SYCE3: variants seen among roughly 807,000 people sequenced by gnomAD.
SYCE3 encodes synaptonemal complex central element protein 3.
Under a neutral mutation model 8.1 loss-of-function variants are expected in SYCE3, and 3 were observed. That is an observed-to-expected ratio of 0.37 (90% CI 0.17 to 0.96). The LOEUF is 0.96. Ranked by LOEUF, SYCE3 falls within the 40% of genes least tolerant of loss-of-function variation. SYCE3 has a pLI of 0.41. For missense variants in SYCE3, 83 were observed against 110.0 expected (o/e 0.75, Z 1.10); for synonymous variants, 36 against 38.7 (o/e 0.93, Z 0.26).
intron 1 of SYCE3, 71 bp from the exon 2 acceptor site, chr22:50,556,476 C>A (rs2069861245): frequency 9.4e-7 from 1 of 1,066,468 alleles, no homozygotes. Flanking sequence ...CTGGTTATAA[C>A]TCAGTGATTT....
intron 1 of SYCE3, among the ~76,000 whole-genome samples, chr22:50,560,671 T>C (rs1446392544): frequency 5.9e-5 from 9 of 151,988 alleles, no homozygotes; most frequent in African/African-American, 2.2e-4. Context: ...AGTCAAGGTT[T>C]TTTGTTTTTT....
chr22:50,555,816 C>T (rs2069854789), intron 2 of SYCE3, among the ~76,000 whole-genome samples: 2 of 133,258 alleles, frequency 1.5e-5, no homozygotes, highest in African/African-American at 5.7e-5. Context: ...TTTTTTGAGA[C>T]AGAGTCTCAC....
At position 50,556,342 on chromosome 22, in the gene SYCE3, T is replaced by G; in HGVS notation, c.64A>C (p.Asn22His). The change falls in exon 2 of 3, where the codon AAT (asparagine) becomes CAT (histidine). Residue 22 changes from asparagine to histidine, a missense_variant. Asn to His is a moderately conservative substitution (Grantham distance 68, BLOSUM62 1). Coordinates refer to ENST00000406915, the MANE Select transcript of SYCE3 (RefSeq NM_001123225.3). Reference protein sequence around the residue: ...DNMLKMLSDLNKDLEKLLEEM... With the variant: ...DNMLKMLSDLHKDLEKLLEEM... ...TCTAATAGCTTTTCCAAGTCCTTATTCAGATCTGACAGCATTTTCAGCATG... is the reference window on the plus strand; with the variant it reads ...TCTAATAGCTTTTCCAAGTCCTTATGCAGATCTGACAGCATTTTCAGCATG... 6.4e-7 allele frequency: 1 copy of G among 1,552,140 alleles called. No homozygotes were observed. Among genetic ancestry groups the G allele is most frequent in the South Asian group, 1.2e-5 (1 of 84,060 alleles).
At chr22:50,555,880 A>T (rs1006122458) in intron 2 of SYCE3, among the ~76,000 whole-genome samples, 9 of 140,646 alleles carry the variant, frequency 6.4e-5, no homozygotes, top group African/African-American at 2.1e-4. Flanking sequence ...TGCAAGCTCC[A>T]CCTCCCGGGT....
intron 1 of SYCE3, among the ~76,000 whole-genome samples, chr22:50,559,727 A>G (rs990527376): frequency 1.3e-5 from 2 of 152,114 alleles, no homozygotes; most frequent in African/African-American, 2.4e-5. Context: ...CAGGAGTTCG[A>G]GACCCGCCTG....
intron 1 of SYCE3, among the ~76,000 whole-genome samples, chr22:50,559,876 C>T (rs563636035): frequency 7.8e-4 from 119 of 152,016 alleles, no homozygotes; most frequent in Non-Finnish European, 1.4e-3. Flanking sequence ...TGCAGTGAGC[C>T]GAGATCATGC....
chr22:50,555,607 A>T (rs1314589253), intron 2 of SYCE3, among the ~76,000 whole-genome samples: 1 of 152,168 alleles, frequency 6.6e-6, no homozygotes, highest in East Asian at 1.9e-4. Context: ...CTTCATCTGC[A>T]TGATAAAACT....
At chr22:50,554,124 G>T (rs2069835798) in intron 2 of SYCE3, among the ~76,000 whole-genome samples, 2 of 151,702 alleles carry the variant, frequency 1.3e-5, no homozygotes, top group African/African-American at 4.8e-5. Flanking sequence ...GAACCCGGGA[G>T]GCAGAGCTTG....
chr22:50,559,882 C>T (rs2069897538), intron 1 of SYCE3, among the ~76,000 whole-genome samples: 1 of 152,110 alleles, frequency 6.6e-6, no homozygotes, highest in Non-Finnish European at 1.5e-5. Flanking sequence ...GAGCCGAGAT[C>T]ATGCCACTGC....
intron 2 of SYCE3, among the ~76,000 whole-genome samples, chr22:50,554,275 G>A (rs1365025302): frequency 1.3e-5 from 2 of 151,728 alleles, no homozygotes; most frequent in South Asian, 2.1e-4. Flanking sequence ...AAAGGAATAC[G>A]GAGAAAAGTA....
intron 1 of SYCE3, among the ~76,000 whole-genome samples, chr22:50,557,562 G>A (rs28549096): frequency 0.084 from 12,805 of 152,110 alleles, 1,189 homozygotes; most frequent in African/African-American, 0.23. Context: ...AGTACCTACC[G>A]TAATGAGCAC....
chr22:50,553,577 C>T (rs574421869), intron 2 of SYCE3, among the ~76,000 whole-genome samples: 53 of 152,182 alleles, frequency 3.5e-4, no homozygotes, highest in African/African-American at 1.2e-3. Context: ...AACACCCTCC[C>T]TCTATGCCCA....
At position 50,551,332 on chromosome 22, in the gene SYCE3, A is replaced by T; in HGVS notation, c.180T>A (p.Arg60=). 6.4e-7 allele frequency: 1 copy of T among 1,551,278 alleles called. No homozygotes were observed. Reference sequence around the variant, plus strand: ...AGTTGACGAAGGCATCCTCCAGCCGACGCATGGACTCGGCCAGCGTAGGGT... The same window carrying T: ...AGTTGACGAAGGCATCCTCCAGCCGTCGCATGGACTCGGCCAGCGTAGGGT... The part of the protein sequence containing the change: ...RTNPTLAESM[R]RLEDAFVNCK... The change falls in exon 3 of 3, where the codon CGT becomes CGA. Residue 60 remains arginine (R), a synonymous_variant. Coordinates refer to ENST00000406915, the MANE Select transcript of SYCE3 (RefSeq NM_001123225.3).
At chr22:50,562,771 C>G (rs1305372778) in intron 1 of SYCE3, 87 bp downstream of exon 1, 1 of 151,912 alleles carries the variant, frequency 6.6e-6, no homozygotes, top group Non-Finnish European at 1.5e-5. Context: ...TTGGTGCCAC[C>G]GCGAACGCTA....
chr22:50,553,332 G>C (rs1603442721), intron 2 of SYCE3, among the ~76,000 whole-genome samples: 1 of 152,176 alleles, frequency 6.6e-6, no homozygotes, highest in Non-Finnish European at 1.5e-5. Context: ...GAGAGGACCA[G>C]ATTGTAACTT....
chr22:50,560,353 G>A (rs764134695), intron 1 of SYCE3, among the ~76,000 whole-genome samples: 1 of 152,066 alleles, frequency 6.6e-6, no homozygotes, highest in African/African-American at 2.4e-5. Context: ...TGGGTGTGGT[G>A]GTGCGCACCT....
chr22:50,558,152 G>A (rs1603442836), intron 1 of SYCE3, among the ~76,000 whole-genome samples: 1 of 152,202 alleles, frequency 6.6e-6, no homozygotes, highest in Non-Finnish European at 1.5e-5. Context: ...GGCCAAGCGC[G>A]GAGGCTCATG....
chr22:50,557,192 T>C (rs967005033), intron 1 of SYCE3, among the ~76,000 whole-genome samples: 1 of 151,846 alleles, frequency 6.6e-6, no homozygotes, highest in Non-Finnish European at 1.5e-5. Context: ...GTTTTGCTCT[T>C]GTTGCCCAGG....
intron 2 of SYCE3, among the ~76,000 whole-genome samples, chr22:50,556,084 C>T (rs527251492): frequency 6.6e-6 from 1 of 152,132 alleles, no homozygotes; most frequent in South Asian, 2.1e-4. Context: ...TGAGCCACCG[C>T]GCCCGGCCGA....
Sources: allele counts gnomAD v4.1 joint callset (sites outside exome capture counted in the v4.1 genomes callset), GRCh38; gene constraint gnomAD v4.1.1; transcripts MANE v1.5; gene names NCBI Gene and HGNC (gene_info 2026-07-23, HGNC 2026-07-21).